The following KTN1 variants were observed in gnomAD, a reference collection of about 807,000 sequenced individuals.
The protein encoded by KTN1 is kinectin.
In KTN1, 130 loss-of-function variants were observed where a neutral mutation model predicts 222.5. The ratio of observed to expected loss-of-function variants is 0.58; its 90% CI spans 0.51 to 0.68. The LOEUF (loss-of-function observed/expected upper bound fraction) is 0.68, where lower values mean the gene tolerates loss of function less well. Ranked by LOEUF, KTN1 falls within the 30% of genes least tolerant of loss-of-function variation. KTN1 has a pLI of 0.00. For synonymous variants in KTN1, 512 were observed against 496.3 expected, an observed-to-expected ratio of 1.03 and a Z score of -0.42; for missense variants, 1,508 against 1,500.4, an observed-to-expected ratio of 1.01 and a Z score of -0.08.
Position 55,650,418 on chromosome 14 carries a change from G to A in KTN1, c.2496G>A (p.Gln832=). ...TTGCTAACAAGGAGAAAACTGTTCA[G>A]GTATTGGGAGACAGAGAACTGTGTT... The part of the protein sequence containing the change: ...LKVANKEKTV[Q]DLKQEIKALK... Residue 832 remains glutamine (Q), a splice_region_variant and synonymous_variant, in exon 23 of 44, where the codon CAG becomes CAA. Transcript: ENST00000395314. 5 of 1,602,450 alleles carry A rather than the reference G, an allele frequency of 3.1e-6. No individual in the cohort carries two copies. Among genetic ancestry groups the A allele is most frequent in the Non-Finnish European group, 4.3e-6 (5 of 1,172,600 alleles).
intron 41 of KTN1, among the ~76,000 whole-genome samples, chr14:55,677,252 G>C (rs1180327023): frequency 6.6e-6 from 1 of 152,078 alleles, no homozygotes; most frequent in Admixed American, 6.6e-5. Context: ...AAGGTGGGCG[G>C]ATCACCTGAG....
At chr14:55,623,494 C>G (rs1026124075) in intron 5 of KTN1, among the ~76,000 whole-genome samples, 2 of 152,232 alleles carry the variant, frequency 1.3e-5, no homozygotes, top group African/African-American at 4.8e-5. Flanking sequence ...ATCCCTCCAT[C>G]TCACCCTCCT....
Position 55,636,507 on chromosome 14 carries a change from G to T in KTN1, c.1520G>T (p.Arg507Ile). ...WEEVQSYIRK[R>I]TAEHEAAQQD... ...GAAGTTCAGAGCTACATCAGGAAGA[G>T]AACAGCGGAACATGAGGCAGCACAG... Residue 507 changes from arginine (R) to isoleucine (I), a missense_variant, in exon 10 of 44, where the codon AGA (arginine) becomes ATA (isoleucine). Coordinates refer to ENST00000395314, the MANE Select transcript of KTN1 (RefSeq NM_001079521.2). 6.2e-7 allele frequency: 1 copy of T among 1,610,686 alleles called. No homozygotes were observed. Among genetic ancestry groups the T allele is most frequent in the Non-Finnish European group, 8.5e-7 (1 of 1,178,226 alleles).
chr14:55,650,693 T>C, intron 24 of KTN1, 56 bp downstream of exon 24: 1 of 1,329,228 alleles, frequency 7.5e-7, no homozygotes, highest in South Asian at 1.3e-5. Context: ...ATTTATGAGC[T>C]ATTTGATTTT....
At chr14:55,610,755 G>C (rs2140586259) in intron 1 of KTN1, among the ~76,000 whole-genome samples, 1 of 152,328 alleles carries the variant, frequency 6.6e-6, no homozygotes, top group East Asian at 1.9e-4. Flanking sequence ...ATGCATGTTT[G>C]TAAGGAGCAT....
At chr14:55,602,120 T>A (rs1037805830) in intron 1 of KTN1, among the ~76,000 whole-genome samples, 1 of 152,258 alleles carries the variant, frequency 6.6e-6, no homozygotes, top group African/African-American at 2.4e-5. Flanking sequence ...TTCTACTGAT[T>A]AGAAATAACT....
intron 24 of KTN1, chr14:55,651,568 T>C (rs1412449104): frequency 2.7e-6 from 1 of 368,382 alleles, no homozygotes; most frequent in Non-Finnish European, 5.2e-6. Context: ...TACAACTGAT[T>C]GATCACAACC....
At chr14:55,680,762 CT>C in intron 43 of KTN1, 1 of 1,281,050 alleles carries the variant, frequency 7.8e-7, no homozygotes, top group Non-Finnish European at 1.1e-6. Flanking sequence ...TCTAACATGA[CT>C]TTCCATATAA....
In KTN1 at chr14:55,636,504, A is replaced by G. The variant is rs773505018; in HGVS notation, c.1517A>G (p.Lys506Arg). ...GAAGAAGTTCAGAGCTACATCAGGA[A>G]GAGAACAGCGGAACATGAGGCAGCA... ...RWEEVQSYIRKRTAEHEAAQQ... is the reference protein window; with the variant it reads ...RWEEVQSYIRRRTAEHEAAQQ... Residue 506 changes from lysine to arginine, a missense_variant, in exon 10 of 44, where the codon AAG (lysine) becomes AGG (arginine). Transcript: ENST00000395314. The G allele has an allele frequency of 6.2e-5, 100 of 1,611,110 alleles. No individual in the cohort carries two copies. The highest frequency in any genetic ancestry group is 8.5e-5 in the Non-Finnish European group (100 of 1,178,482).
intron 43 of KTN1, chr14:55,680,296 T>C (rs1342575600): frequency 5.9e-6 from 1 of 170,516 alleles, no homozygotes; most frequent in Non-Finnish European, 1.3e-5. Context: ...CTTGGAAGGC[T>C]CAGATTTGGT....
At chr14:55,621,366 C>T (rs2039110115) in intron 5 of KTN1, among the ~76,000 whole-genome samples, 1 of 152,122 alleles carries the variant, frequency 6.6e-6, no homozygotes, top group Non-Finnish European at 1.5e-5. Flanking sequence ...TACAGCAGTT[C>T]CTCACTCCTG....
chr14:55,588,190 ATTC>A (rs1234725015), intron 1 of KTN1, among the ~76,000 whole-genome samples: 2 of 152,222 alleles, frequency 1.3e-5, no homozygotes, highest in African/African-American at 4.8e-5. Flanking sequence ...TATATACTGT[ATTC>A]TTATAATAAA....
chr14:55,646,703 T>G (rs879369449), intron 18 of KTN1, among the ~76,000 whole-genome samples: 5 of 151,942 alleles, frequency 3.3e-5, no homozygotes, highest in African/African-American at 7.2e-5. Flanking sequence ...GGTTATCTTT[T>G]CTAGTGATTA....
Position 55,612,285 on chromosome 14 carries a change from T to C in KTN1, c.237T>C (p.Ser79=). 2 of 1,610,164 alleles carry C rather than the reference T, an allele frequency of 1.2e-6. No homozygotes were observed. The highest frequency in any genetic ancestry group is 1.7e-6 in the Non-Finnish European group (2 of 1,179,138). The change falls in exon 2 of 44, where the codon AGT becomes AGC. Residue 79 remains serine (S), a synonymous_variant. Coordinates refer to ENST00000395314, the MANE Select transcript of KTN1 (RefSeq NM_001079521.2). ...NGNLHESDSE[S]VPRDFKLSDA... ...ACCTCCATGAATCCGACTCTGAGAG[T>C]GTACCTCGAGACTTTAAATTATCAG...
chr14:55,584,375 T>G (rs949933369), intron 1 of KTN1, among the ~76,000 whole-genome samples: 2 of 152,134 alleles, frequency 1.3e-5, no homozygotes, highest in Non-Finnish European at 2.9e-5. Flanking sequence ...TGTGTAATAG[T>G]GTATGTTTGA....
At chr14:55,644,552 G>C (rs1002717558) in intron 18 of KTN1, 10 of 411,948 alleles carry the variant, frequency 2.4e-5, no homozygotes, top group African/African-American at 1.5e-4. Context: ...CATTTACTCA[G>C]AATAAGACTT....
chr14:55,636,408 G>A (rs1410274248), intron 9 of KTN1, 41 bp from the exon 10 acceptor site: 1 of 1,451,336 alleles, frequency 6.9e-7, no homozygotes, highest in Non-Finnish European at 9.6e-7. Context: ...GAAATTCTGT[G>A]TTTGTGCTAA....
intron 17 of KTN1, 150 bp downstream of exon 17, chr14:55,641,358 T>C: frequency 3.3e-6 from 2 of 597,070 alleles, no homozygotes; most frequent in Non-Finnish European, 5.9e-6. Flanking sequence ...ACCATGAATT[T>C]TATCATAGAC....
chr14:55,613,937 A>G (rs1220954015), intron 2 of KTN1, among the ~76,000 whole-genome samples: 1 of 152,238 alleles, frequency 6.6e-6, no homozygotes, highest in Non-Finnish European at 1.5e-5. Context: ...ACTACTGCTT[A>G]TGCTGGGCTG....
Sources: gnomAD v4.1 joint callset for allele counts (sites outside exome capture counted in the v4.1 genomes callset) on GRCh38, gnomAD v4.1.1 for gene constraint, MANE v1.5 for transcripts, NCBI Gene and HGNC (gene_info 2026-07-23, HGNC 2026-07-21) for gene names.